Variants in KAZN observed in about 807,000 individuals in gnomAD.
The protein encoded by KAZN is kazrin, periplakin interacting protein, also known as kazrin.
In KAZN, 40 loss-of-function variants were observed where a neutral mutation model predicts 87.4. That is an observed-to-expected ratio of 0.46 (90% CI 0.36 to 0.60). The LOEUF (loss-of-function observed/expected upper bound fraction) is 0.60, where lower values mean the gene tolerates loss of function less well. KAZN is among the 20% of genes least tolerant of loss of function. The probability of loss-of-function intolerance (pLI) is 0.00; values close to 1 mark genes in which losing one functional copy is unlikely to be tolerated. For missense variants in KAZN, 898 were observed against 1,073.9 expected (o/e 0.84, Z 2.29); for synonymous variants, 466 against 458.3 (o/e 1.02, Z -0.22).
intron 1 of KAZN, among the ~76,000 whole-genome samples, chr1:14,750,732 C>T (rs1387816130): frequency 1.3e-5 from 2 of 152,198 alleles, no homozygotes; most frequent in Non-Finnish European, 2.9e-5. Context: ...AAACTCTAAT[C>T]TCCTGAAGAT....
At chr1:14,988,309 C>T (rs1317539180) in intron 2 of KAZN, among the ~76,000 whole-genome samples, 2 of 152,238 alleles carry the variant, frequency 1.3e-5, no homozygotes, top group Non-Finnish European at 2.9e-5. Context: ...AGAACGCGCC[C>T]CTCCCCTGCG....
chr1:14,820,513 A>G lies in KAZN; in HGVS notation c.227-140171A>G, dbSNP rs1320909343. 6.6e-6 allele frequency among the ~76,000 whole-genome samples: 1 copy of G among 152,254 alleles called. No homozygotes were observed. Among genetic ancestry groups the G allele is most frequent in the Admixed American group, 6.5e-5 (1 of 15,290 alleles). On this transcript the variant is annotated intron_variant, in intron 1 of 14. Transcript: ENST00000376030. This position sits in a 1 kb window ranked among gnomAD's most constrained non-coding sequence, Gnocchi z 4.1. ...TGCAAACCCACGTGCTGGGCTGCAC[A>G]GCTGCCTGAACGAAGCTGGAGCGTG...
At chr1:14,610,297 T>A (rs2148619334) in intron 1 of KAZN, among the ~76,000 whole-genome samples, 1 of 152,278 alleles carries the variant, frequency 6.6e-6, no homozygotes, top group South Asian at 2.1e-4. Context: ...AAGCTCCGCC[T>A]CCCGGGTTCA....
chr1:14,487,114 A>G (rs1669389688), intron 2 of KAZN, among the ~76,000 whole-genome samples: 1 of 152,194 alleles, frequency 6.6e-6, no homozygotes, highest in South Asian at 2.1e-4. Context: ...GACTAAATCA[A>G]CAGGGTTGCA....
At chr1:13,913,012 T>C (rs1639709985) in intron 1 of KAZN, among the ~76,000 whole-genome samples, 1 of 152,066 alleles carries the variant, frequency 6.6e-6, no homozygotes, top group Non-Finnish European at 1.5e-5. Flanking sequence ...CCTAAGAAGA[T>C]TGGCTTAGAT....
chr1:13,984,002 G>A (rs1388537754), intron 1 of KAZN, among the ~76,000 whole-genome samples: 1 of 150,828 alleles, frequency 6.6e-6, no homozygotes, highest in African/African-American at 2.4e-5. Context: ...CATTTATTTG[G>A]ATTATTTTTA....
chr1:14,843,346 G>A (rs1001939851), intron 1 of KAZN, among the ~76,000 whole-genome samples: 3 of 152,222 alleles, frequency 2.0e-5, no homozygotes, highest in Non-Finnish European at 2.9e-5. Flanking sequence ...CTCTGAGGAG[G>A]TAGAGGAGGT....
chr1:13,977,654 G>C (rs1638428768), intron 1 of KAZN, among the ~76,000 whole-genome samples: 1 of 152,172 alleles, frequency 6.6e-6, no homozygotes, highest in Admixed American at 6.5e-5. Flanking sequence ...AGGAAAAATA[G>C]AAGTTGAGTA....
At chr1:13,958,231 T>C (rs1570386968) in intron 1 of KAZN, among the ~76,000 whole-genome samples, 1 of 152,280 alleles carries the variant, frequency 6.6e-6, no homozygotes, top group East Asian at 1.9e-4. Context: ...ATTGCTAATT[T>C]TTAAAAAATT....
chr1:14,249,792 T>C (rs1056309467), intron 2 of KAZN, among the ~76,000 whole-genome samples: 4 of 152,084 alleles, frequency 2.6e-5, no homozygotes, highest in Non-Finnish European at 4.4e-5. Flanking sequence ...CCAGAAACAG[T>C]GTCTATGAAT....
At chr1:15,092,783 T>G (rs1187924943) in intron 8 of KAZN, among the ~76,000 whole-genome samples, 1 of 152,088 alleles carries the variant, frequency 6.6e-6, no homozygotes, top group Admixed American at 6.6e-5. Context: ...CCTGTTTAGG[T>G]TTTTATCGAA....
chr1:13,896,187 T>C (rs1235280702), intron 1 of KAZN, among the ~76,000 whole-genome samples: 1 of 152,200 alleles, frequency 6.6e-6, no homozygotes, highest in Non-Finnish European at 1.5e-5. Flanking sequence ...AGATAATAAA[T>C]ATTGTTGGCT....
chr1:14,925,419 A>G (rs1490715441), intron 1 of KAZN, among the ~76,000 whole-genome samples: 2 of 152,176 alleles, frequency 1.3e-5, no homozygotes, highest in Non-Finnish European at 2.9e-5. Flanking sequence ...CAACATAATT[A>G]TTCCTTATTC....
At chr1:14,098,532 C>G (rs1355734738) in intron 1 of KAZN, among the ~76,000 whole-genome samples, 2 of 152,144 alleles carry the variant, frequency 1.3e-5, no homozygotes, top group African/African-American at 4.8e-5. Flanking sequence ...TGTGGGCAAC[C>G]AGGGTGTTTG....
chr1:14,304,958 A>G (rs763615815), intron 2 of KAZN, among the ~76,000 whole-genome samples: 15 of 146,952 alleles, frequency 1.0e-4, no homozygotes, highest in Middle Eastern at 3.4e-3. Flanking sequence ...TTTTTTTTTT[A>G]ATTTTAAATA....
chr1:14,758,691 T>A (rs1351643617), intron 1 of KAZN, among the ~76,000 whole-genome samples: 1 of 152,102 alleles, frequency 6.6e-6, no homozygotes, highest in African/African-American at 2.4e-5. Context: ...TTGGATGAGC[T>A]TGGGGTGTTG....
chr1:14,927,002 T>C (rs912164186), intron 1 of KAZN, among the ~76,000 whole-genome samples: 2 of 152,146 alleles, frequency 1.3e-5, no homozygotes, highest in Non-Finnish European at 2.9e-5. Flanking sequence ...GGCCCTGTGA[T>C]GGTGACAGCT....
chr1:14,802,493 A>T (rs1193112122), intron 1 of KAZN, among the ~76,000 whole-genome samples: 1 of 151,480 alleles, frequency 6.6e-6, no homozygotes, highest in African/African-American at 2.4e-5. Context: ...CACAACTGGT[A>T]TGGGGGGGTT....
intron 1 of KAZN, among the ~76,000 whole-genome samples, chr1:14,766,780 A>G (rs77980582): frequency 0.025 from 3,720 of 151,592 alleles, 162 homozygotes; most frequent in African/African-American, 0.086. Flanking sequence ...CAGTCTCTTC[A>G]TCATAAACTG....
Sources: gnomAD v4.1 joint callset for allele counts (sites outside exome capture counted in the v4.1 genomes callset) on GRCh38, gnomAD v4.1.1 for gene constraint, Gnocchi (gnomAD v3.1) non-coding constraint, MANE v1.5 for transcripts, NCBI Gene and HGNC (gene_info 2026-07-23, HGNC 2026-07-21) for gene names.